UNKL: variants seen among roughly 807,000 people sequenced by gnomAD.
UNKL encodes putative E3 ubiquitin-protein ligase UNKL.
UNKL carries 60 observed loss-of-function variants against 78.0 expected under a neutral mutation model. The ratio of observed to expected loss-of-function variants is 0.77; its 90% CI spans 0.63 to 0.95. UNKL has a LOEUF of 0.95. UNKL is among the 40% of genes least tolerant of loss of function. The probability of loss-of-function intolerance (pLI) is 0.00; values close to 1 mark genes in which losing one functional copy is unlikely to be tolerated. For synonymous variants in UNKL, 608 were observed against 474.8 expected, an observed-to-expected ratio of 1.28 and a Z score of -3.65; for missense variants, 1,159 against 1,045.7, an observed-to-expected ratio of 1.11 and a Z score of -1.49.
rs745426583 is a variant in UNKL at position 1,403,151 on chromosome 16, C to T, written c.464+17G>A. On this transcript the variant is annotated intron_variant, in intron 3 of 14. Coordinates refer to ENST00000389221, the MANE Select transcript of UNKL (RefSeq NM_001372107.1). This position sits in a 1 kb window ranked among gnomAD's most constrained non-coding sequence, Gnocchi z 4.8. ...GCAGCAGGCAGGCCAAGTGCCCACT[C>T]GTGGATGCCCACTCACCTGACGTCA... 12 of 1,600,630 alleles carry T rather than the reference C, an allele frequency of 7.5e-6. No individual in the cohort carries two copies. Among genetic ancestry groups the T allele is most frequent in the African/African-American group, 4.0e-5 (3 of 74,732 alleles).
intron 7 of UNKL, 86 bp from the exon 8 acceptor site, chr16:1,393,062 C>T (rs940628230): frequency 1.5e-5 from 20 of 1,346,906 alleles, no homozygotes; most frequent in Non-Finnish European, 2.0e-5. Context: ...ACGTCAGGGC[C>T]GAGTGTGCGC....
At chr16:1,371,063 A>G (rs1359842326) in intron 11 of UNKL, among the ~76,000 whole-genome samples, 6 of 147,742 alleles carry the variant, frequency 4.1e-5, no homozygotes, top group South Asian at 2.2e-4. Flanking sequence ...AGCCTGGGCG[A>G]CAGAGCGAGG....
intron 8 of UNKL, 131 bp from the exon 9 acceptor site, chr16:1,390,825 T>C (rs1245819435): frequency 1.5e-5 from 14 of 922,466 alleles, no homozygotes; most frequent in African/African-American, 8.3e-5. Context: ...AGCTCAGGAG[T>C]TCGAGACCAG....
intron 10 of UNKL, among the ~76,000 whole-genome samples, chr16:1,372,320 G>A (rs558509836): frequency 6.6e-6 from 1 of 152,168 alleles, no homozygotes; most frequent in African/African-American, 2.4e-5. Flanking sequence ...ATTTCAAGGA[G>A]CAGGTGTTCA....
At chr16:1,368,983 G>A (rs1393549172) in intron 12 of UNKL, among the ~76,000 whole-genome samples, 1 of 151,076 alleles carries the variant, frequency 6.6e-6, no homozygotes, top group South Asian at 2.1e-4. Flanking sequence ...CTGGCCTCAA[G>A]TGACCACCCA....
intron 12 of UNKL, among the ~76,000 whole-genome samples, chr16:1,368,372 G>C (rs1216656086): frequency 3.9e-5 from 6 of 152,110 alleles, no homozygotes; most frequent in Non-Finnish European, 8.8e-5. Flanking sequence ...GGAGGCCGAG[G>C]CGGGTGGATC....
In UNKL at chr16:1,399,237, G is replaced by C; in HGVS notation, c.734+137C>G. The C allele has an allele frequency of 1.5e-6, 2 of 1,373,166 alleles. No homozygotes were observed. Among genetic ancestry groups the C allele is most frequent in the Non-Finnish European group, 1.9e-6 (2 of 1,045,390 alleles). The allele number at this position is 1,373,166 out of a possible 1,614,324, so 85.1% of individuals were successfully genotyped here. A position where few individuals can be genotyped will look rare whatever the true frequency, so the allele number is the denominator to read the frequency against. On this transcript the variant is annotated intron_variant, in intron 5 of 14. Transcript: ENST00000389221. This position sits in a 1 kb window ranked among gnomAD's most constrained non-coding sequence, Gnocchi z 5.8. ...ACCTCCCACAGCCACTGTGCTTGGAGATGCCCTCCCCTCCCGGGGATGATG... is the reference window on the plus strand; with the variant it reads ...ACCTCCCACAGCCACTGTGCTTGGACATGCCCTCCCCTCCCGGGGATGATG...
rs1229570734 is a variant in UNKL, at chr16:1,390,560, G to C, written c.1086+72C>G. ...TGCCCTAACGCGATGCCACGGGTCA[G>C]GCACGAGGGCGGGAAGCCTCAGCCC... is the stretch of plus-strand genomic sequence containing the variant. On this transcript the variant is annotated intron_variant, in intron 9 of 14. Coordinates refer to ENST00000389221, the MANE Select transcript of UNKL (RefSeq NM_001372107.1). 6 of 1,491,474 alleles carry C rather than the reference G, an allele frequency of 4.0e-6. No individual in the cohort carries two copies. The African/African-American group carries it at 4.2e-5, about 10-fold the overall frequency. The allele number at this position is 1,491,474 out of a possible 1,614,324, so 92.4% of individuals were successfully genotyped here. A position where few individuals can be genotyped will look rare whatever the true frequency, so the allele number is the denominator to read the frequency against.
At chr16:1,400,602 G>A (rs763966010) in intron 4 of UNKL, among the ~76,000 whole-genome samples, 1 of 152,078 alleles carries the variant, frequency 6.6e-6, no homozygotes, top group Non-Finnish European at 1.5e-5. Context: ...TGGAACTAGA[G>A]AGAGGTGGCA....
In UNKL at chr16:1,372,148, C is replaced by T. The variant is rs550230746; in HGVS notation, c.1265-537G>A. On this transcript the variant is annotated intron_variant, in intron 10 of 14. Transcript: ENST00000389221. ...GCGTGGTGGCGGGTGCCTGTAGTCC[C>T]AGCTACTCGGGAGGCTGAGGCGGAA... Among the ~76,000 whole-genome samples the T allele has an allele frequency of 4.6e-5, 7 of 152,026 alleles. No individual in the cohort carries two copies. In the East Asian group the frequency reaches 1.4e-3, roughly 29 times the overall value.
Position 1,399,427 on chromosome 16 carries a change from T to G in UNKL, c.681A>C (p.Pro227=), listed in dbSNP as rs2037416406. The G allele has an allele frequency of 6.2e-7, 1 of 1,606,292 alleles. No homozygotes were observed. The change falls in exon 5 of 15, where the codon CCA becomes CCC. Residue 227 remains proline, a synonymous_variant. Coordinates refer to ENST00000389221, the MANE Select transcript of UNKL (RefSeq NM_001372107.1). This position sits in a 1 kb window ranked among gnomAD's most constrained non-coding sequence, Gnocchi z 5.8. ...PRLCRQGYAC[P]HYHNSRDRRR... ...GCCTGTCCCGGCTATTGTGGTAGTG[T>G]GGGCACGCATAGCCCTGGCGGCACA... is the stretch of plus-strand genomic sequence containing the variant.
At chr16:1,383,603 G>A (rs867506217) in intron 10 of UNKL, 24 of 378,098 alleles carry the variant, frequency 6.3e-5, no homozygotes, top group African/African-American at 2.1e-4. Flanking sequence ...CTCTCTCCTC[G>A]GCCTCCTTGG....
Position 1,367,271 on chromosome 16 carries a change from G to C in UNKL, c.1867C>G (p.Leu623Val), listed in dbSNP as rs1477498457. Residue 623 changes from leucine (L) to valine (V), a missense_variant, in exon 14 of 15, where the codon CTG (leucine) becomes GTG (valine). Transcript: ENST00000389221. ...GCCTCCACCTCCTCCTTCTTCTGCAGCGCCAGCTGCCGGTCGCTATCGGCC... is the reference window on the plus strand; with the variant it reads ...GCCTCCACCTCCTCCTTCTTCTGCACCGCCAGCTGCCGGTCGCTATCGGCC... ...RVADSDRQLA[L>V]QKKEEVEAQV... 1 of 1,575,550 alleles carries C rather than the reference G, an allele frequency of 6.3e-7. No homozygotes were observed.
chr16:1,411,320 C>T (rs1352614389), intron 2 of UNKL, among the ~76,000 whole-genome samples: 1 of 152,126 alleles, frequency 6.6e-6, no homozygotes, highest in Non-Finnish European at 1.5e-5. Context: ...CACTGCACTC[C>T]AGCCTGGGCA....
At chr16:1,392,805 C>A (rs2037102534) in intron 8 of UNKL, 86 bp downstream of exon 8, 2 of 1,471,834 alleles carry the variant, frequency 1.4e-6, no homozygotes, top group Admixed American at 2.0e-5. Context: ...GACCACATTG[C>A]TGAAAACTCA....
chr16:1,378,466 G>A (rs1178285620), intron 10 of UNKL, among the ~76,000 whole-genome samples: 1 of 152,204 alleles, frequency 6.6e-6, no homozygotes, highest in African/African-American at 2.4e-5. Flanking sequence ...AAGAAGTTGG[G>A]GGACAGGAAC....
At chr16:1,391,430 G>A (rs13332226) in intron 8 of UNKL, among the ~76,000 whole-genome samples, 1,974 of 151,978 alleles carry the variant, frequency 0.013, 49 homozygotes, top group African/African-American at 0.044. Flanking sequence ...CCAAGAAGCT[G>A]TGAGCACAGG....
intron 6 of UNKL, among the ~76,000 whole-genome samples, chr16:1,395,018 C>T (rs1458452337): frequency 1.3e-5 from 2 of 152,174 alleles, no homozygotes; most frequent in Non-Finnish European, 2.9e-5. Flanking sequence ...GCTGGGATTA[C>T]AAGCATGTGC....
At chr16:1,401,329 G>A (rs940299843) in intron 4 of UNKL, 2 of 429,182 alleles carry the variant, frequency 4.7e-6, no homozygotes, top group Non-Finnish European at 7.9e-6. Context: ...TGGCCCCACT[G>A]AGATGCCAGT....
Sources: gnomAD v4.1 joint callset for allele counts (sites outside exome capture counted in the v4.1 genomes callset) on GRCh38, gnomAD v4.1.1 for gene constraint, Gnocchi (gnomAD v3.1) non-coding constraint, MANE v1.5 for transcripts, NCBI Gene and HGNC (gene_info 2026-07-23, HGNC 2026-07-21) for gene names.